The following ZNF644 variants were observed in gnomAD, a reference collection of about 807,000 sequenced individuals.
ZNF644 encodes the protein zinc finger protein 644.
Under a neutral mutation model 108.0 loss-of-function variants are expected in ZNF644, and 20 were observed. The ratio of observed to expected loss-of-function variants is 0.19; its 90% CI spans 0.13 to 0.27. The LOEUF is 0.27. Ranked by LOEUF, ZNF644 falls within the 10% of genes least tolerant of loss-of-function variation. The probability of loss-of-function intolerance (pLI) is 1.00; values close to 1 mark genes in which losing one functional copy is unlikely to be tolerated. For synonymous variants in ZNF644, 542 were observed against 539.1 expected (o/e 1.01, Z -0.08); for missense variants, 1,338 against 1,548.9 (o/e 0.86, Z 2.29).
intron 1 of ZNF644, among the ~76,000 whole-genome samples, chr1:90,988,751 G>A (rs1356119791): frequency 6.6e-6 from 1 of 152,116 alleles, no homozygotes; most frequent in Non-Finnish European, 1.5e-5. Context: ...CTAGTCAAAT[G>A]GTGTTTGACA....
Position 90,938,056 on chromosome 1 carries a change from A to G in ZNF644, c.3117T>C (p.Thr1039=), listed in dbSNP as rs774122924. ...CAAACCAACCACCACAGAGCTGACA[A>G]GTGTGTTCAGAAGTGGTTTCAGACT... The part of the protein sequence containing the change: ...IEKSETTSEH[T]CQLCGGWFDT... Residue 1039 remains threonine, a synonymous_variant, in exon 4 of 6, where the codon ACT becomes ACC. Transcript: ENST00000337393. This position sits in a 1 kb window ranked among gnomAD's most constrained non-coding sequence, Gnocchi z 4.2. 1.9e-6 allele frequency: 3 copies of G among 1,610,860 alleles called. No individual in the cohort carries two copies. Among genetic ancestry groups the G allele is most frequent in the Admixed American group, 1.7e-5 (1 of 59,984 alleles).
intron 1 of ZNF644, among the ~76,000 whole-genome samples, chr1:90,997,296 C>A (rs769929653): frequency 1.3e-5 from 2 of 152,168 alleles, no homozygotes; most frequent in Non-Finnish European, 2.9e-5. Context: ...CATCCCAACA[C>A]ACACATAACT....
intron 2 of ZNF644, among the ~76,000 whole-genome samples, chr1:90,957,425 A>G (rs1653861264): frequency 6.6e-6 from 1 of 152,236 alleles, no homozygotes; most frequent in East Asian, 1.9e-4. Context: ...AAAGTATCAT[A>G]TAACATAACC....
At chr1:90,946,257 G>C (rs1652509237) in intron 2 of ZNF644, among the ~76,000 whole-genome samples, 1 of 151,914 alleles carries the variant, frequency 6.6e-6, no homozygotes, top group Admixed American at 6.6e-5. Flanking sequence ...TATCATCCAG[G>C]TAATAACTTA....
chr1:90,941,119 A>G lies in ZNF644; in HGVS notation c.235T>C (p.Ser79Pro). Residue 79 changes from serine (S) to proline (P), a missense_variant, in exon 3 of 6, where the codon TCA becomes CCA. By Grantham distance (74) the Ser-to-Pro change is moderately conservative. Transcript: ENST00000337393. ...NNTLTLPEEL[S>P]KDKSENALSG... ...AAGGCGTTTTCAGATTTGTCCTTTG[A>G]CAGTTCTTCAGGCAGAGTCAACGTA... 6.2e-7 allele frequency: 1 copy of G among 1,614,062 alleles called. No individual in the cohort carries two copies. The highest frequency in any genetic ancestry group is 8.5e-7 in the Non-Finnish European group (1 of 1,179,938).
chr1:90,932,757 A>G (rs1222949877), intron 4 of ZNF644, among the ~76,000 whole-genome samples: 1 of 152,164 alleles, frequency 6.6e-6, no homozygotes, highest in Non-Finnish European at 1.5e-5. Context: ...GTATAGCTCT[A>G]CTGATCAAGA....
intron 2 of ZNF644, among the ~76,000 whole-genome samples, chr1:90,964,823 A>AT (rs1654686202): frequency 6.6e-6 from 1 of 152,134 alleles, no homozygotes; most frequent in African/African-American, 2.4e-5. Context: ...AGTTGTGCAT[A>AT]TTATCTTGTG....
In ZNF644 at chr1:90,938,593, A is replaced by C; in HGVS notation, c.2761T>G (p.Tyr921Asp). The C allele has an allele frequency of 6.2e-7, 1 of 1,613,172 alleles. No individual in the cohort carries two copies. Among genetic ancestry groups the C allele is most frequent in the Non-Finnish European group, 8.5e-7 (1 of 1,179,512 alleles). The stretch of plus-strand genomic sequence containing the variant: ...AAGTTGTTACTTCCAGTATCTTCAT[A>C]GTATTCAAAATAAAAGCCATCGTTT... ...DQNDGFYFEY[Y>D]EDTGSNNFLH... Residue 921 changes from tyrosine to aspartate, a missense_variant, in exon 3 of 6, where the codon TAT (tyrosine) becomes GAT (aspartate). Around this residue, in one of 6 missense-constraint regions of ZNF644, gnomAD observed 462 missense variants for 472.6 expected, o/e 0.98. Coordinates refer to ENST00000337393, the MANE Select transcript of ZNF644 (RefSeq NM_201269.3). This position sits in a 1 kb window ranked among gnomAD's most constrained non-coding sequence, Gnocchi z 4.2.
rs532946543 is a variant in ZNF644, at chr1:90,963,010, G to A, written c.44+19300C>T. On this transcript the variant is annotated intron_variant, in intron 2 of 5. Coordinates refer to ENST00000337393, the MANE Select transcript of ZNF644 (RefSeq NM_201269.3). ...AACAGATAATATTAAGAAGGTGAAA[G>A]TCAAGCCAAAGTGGAATGTATATAT... Among the ~76,000 whole-genome samples, 22 of 152,178 alleles carry A rather than the reference G, an allele frequency of 1.4e-4. No homozygotes were observed. In the South Asian group the frequency reaches 4.6e-3, roughly 32 times the overall value.
chr1:90,982,869 C>T (rs147527406), intron 1 of ZNF644, among the ~76,000 whole-genome samples: 7 of 151,870 alleles, frequency 4.6e-5, no homozygotes, highest in African/African-American at 1.7e-4. Flanking sequence ...ATCATAATAG[C>T]CAACACTGAT....
intron 1 of ZNF644, among the ~76,000 whole-genome samples, chr1:90,986,569 G>A (rs1335944235): frequency 3.9e-5 from 6 of 151,988 alleles, no homozygotes; most frequent in Non-Finnish European, 7.4e-5. Flanking sequence ...TGGAAGGGGT[G>A]GTTAGAATAT....
chr1:90,940,741 G>C lies in ZNF644; in HGVS notation c.613C>G (p.Gln205Glu), dbSNP rs754005251. The C allele has an allele frequency of 5.0e-5, 81 of 1,613,960 alleles. No individual in the cohort carries two copies. Among genetic ancestry groups the C allele is most frequent in the Non-Finnish European group, 6.8e-5 (80 of 1,179,966 alleles). ...PTSASVGCDI[Q>E]NSVGSNIKSD... ...TTTATATTACTCCCTACTGAATTCT[G>C]AATGTCACAACCAACTGAAGCAGAG... The change falls in exon 3 of 6, where the codon CAG becomes GAG. Residue 205 changes from glutamine (Q) to glutamate (E), a missense_variant. Coordinates refer to ENST00000337393, the MANE Select transcript of ZNF644 (RefSeq NM_201269.3).
rs368057082 is a variant in ZNF644 at position 90,939,723 on chromosome 1, C to T, written c.1631G>A (p.Arg544Gln). ...AVTENELECH[R>Q]GIAHGAVVKC... ...TACCACTGCCCCATGTGCAATGCCTCGATGGCATTCCAATTCATTTTCTGT... is the reference window on the plus strand; with the variant it reads ...TACCACTGCCCCATGTGCAATGCCTTGATGGCATTCCAATTCATTTTCTGT... The change falls in exon 3 of 6, where the codon CGA becomes CAA. Residue 544 changes from arginine (R) to glutamine (Q), a missense_variant. Arg to Gln is a conservative substitution (Grantham distance 43). Coordinates refer to ENST00000337393, the MANE Select transcript of ZNF644 (RefSeq NM_201269.3). The T allele has an allele frequency of 8.1e-6, 13 of 1,613,786 alleles. No homozygotes were observed. Among genetic ancestry groups the T allele is most frequent in the Admixed American group, 5.0e-5 (3 of 59,984 alleles).
chr1:90,984,638 C>G lies in ZNF644; in HGVS notation c.-17-2268G>C, dbSNP rs939330092. Among the ~76,000 whole-genome samples the G allele has an allele frequency of 7.2e-5, 11 of 152,270 alleles. No homozygotes were observed. The South Asian group carries it at 2.3e-3, about 32-fold the overall frequency. The stretch of plus-strand genomic sequence containing the variant: ...GAACTCCTGACCTCAAGTGATCCAC[C>G]CGCTTTGGCTTCCCAAAGTTCTGGG... On this transcript the variant is annotated intron_variant, in intron 1 of 5. Transcript: ENST00000337393.
chr1:90,951,240 C>G (rs935003108), intron 2 of ZNF644, among the ~76,000 whole-genome samples: 1 of 152,164 alleles, frequency 6.6e-6, no homozygotes, highest in South Asian at 2.1e-4. Context: ...TCGGAGTGAT[C>G]CATACAGATA....
intron 2 of ZNF644, among the ~76,000 whole-genome samples, chr1:90,956,492 A>G (rs1653768105): frequency 6.6e-6 from 1 of 152,192 alleles, no homozygotes; most frequent in South Asian, 2.1e-4. Context: ...ATCTTGACAC[A>G]AATGAAAATG....
chr1:90,946,215 A>T (rs1328336318), intron 2 of ZNF644, among the ~76,000 whole-genome samples: 1 of 152,076 alleles, frequency 6.6e-6, no homozygotes, highest in Non-Finnish European at 1.5e-5. Flanking sequence ...CCTAAATCTC[A>T]CCTAGTGCAC....
chr1:90,950,524 T>C (rs1248290879), intron 2 of ZNF644, among the ~76,000 whole-genome samples: 1 of 151,608 alleles, frequency 6.6e-6, no homozygotes, highest in East Asian at 2.0e-4. Flanking sequence ...ATGAATCTTA[T>C]ACATTAATAA....
At chr1:90,984,382 G>C (rs1656875324) in intron 1 of ZNF644, among the ~76,000 whole-genome samples, 1 of 151,548 alleles carries the variant, frequency 6.6e-6, no homozygotes, top group African/African-American at 2.4e-5. Context: ...AGCCTTTCAG[G>C]AATCAAGTTA....
Sources: allele counts gnomAD v4.1 joint callset (sites outside exome capture counted in the v4.1 genomes callset), GRCh38; gene constraint gnomAD v4.1.1; regional missense constraint gnomAD v4.1.1; non-coding constraint Gnocchi (gnomAD v3.1); transcripts MANE v1.5; gene names NCBI Gene and HGNC (gene_info 2026-07-23, HGNC 2026-07-21).